APBA1: variants seen among roughly 807,000 people sequenced by gnomAD.
APBA1 encodes the protein amyloid beta precursor protein binding family A member 1, also known as amyloid-beta A4 precursor protein-binding family A member 1.
A neutral mutation model predicts 86.6 loss-of-function variants in APBA1; 55 were observed. The observed-to-expected ratio is 0.64, with a 90% confidence interval of 0.51 to 0.80. The LOEUF (loss-of-function observed/expected upper bound fraction) is 0.80, where lower values mean the gene tolerates loss of function less well. Ranked by LOEUF, APBA1 falls within the 30% of genes least tolerant of loss-of-function variation. The pLI, the probability that APBA1 is intolerant of heterozygous loss-of-function variation, is 0.00. For synonymous variants in APBA1, 511 were observed against 493.9 expected (o/e 1.03, Z -0.46); for missense variants, 1,090 against 1,183.0 (o/e 0.92, Z 1.15).
At chr9:69,447,532 G>T (rs1247101643) in intron 10 of APBA1, among the ~76,000 whole-genome samples, 1 of 152,136 alleles carries the variant, frequency 6.6e-6, no homozygotes, top group Non-Finnish European at 1.5e-5. Flanking sequence ...CTTCTCCTCC[G>T]TGACAACCCA....
chr9:69,545,192 AC>A (rs1836678615), intron 1 of APBA1, among the ~76,000 whole-genome samples: 1 of 152,254 alleles, frequency 6.6e-6, no homozygotes, highest in Non-Finnish European at 1.5e-5. Flanking sequence ...ACTTAGCCAG[AC>A]TAAACAAAAT....
At chr9:69,459,263 C>T (rs1400378920) in intron 5 of APBA1, among the ~76,000 whole-genome samples, 7 of 152,170 alleles carry the variant, frequency 4.6e-5, no homozygotes, top group Admixed American at 6.5e-5. Context: ...ATATGCATTC[C>T]GTAGTTGTTA....
rs55689437 is a variant in APBA1, at chr9:69,567,421, T to C, written c.-69-50142A>G. On this transcript the variant is annotated intron_variant, in intron 1 of 12. Coordinates refer to ENST00000265381, the MANE Select transcript of APBA1 (RefSeq NM_001163.4). ...TTCTGTGAATTTTTTTATTTTTTTA[T>C]TTATTATTATTTTGTATTATACTTT... Among the ~76,000 whole-genome samples the C allele has an allele frequency of 2.9e-3, 435 of 152,258 alleles. 2 individuals carry two copies. Among genetic ancestry groups the C allele is most frequent in the African/African-American group, 0.01 (416 of 41,556 alleles).
intron 10 of APBA1, among the ~76,000 whole-genome samples, 193 bp from the exon 11 acceptor site, chr9:69,441,308 C>T (rs981750395): frequency 6.6e-6 from 1 of 152,220 alleles, no homozygotes; most frequent in African/African-American, 2.4e-5. Flanking sequence ...GCTAAGACGC[C>T]ACATGTTGCA....
At chr9:69,564,451 G>A (rs1225452568) in intron 1 of APBA1, among the ~76,000 whole-genome samples, 2 of 152,146 alleles carry the variant, frequency 1.3e-5, no homozygotes, top group Non-Finnish European at 2.9e-5. Context: ...AAGGTAGGCT[G>A]GACATTGCTT....
intron 4 of APBA1, among the ~76,000 whole-genome samples, chr9:69,470,067 A>G (rs1835342351): frequency 6.6e-6 from 1 of 152,222 alleles, no homozygotes; most frequent in Admixed American, 6.5e-5. Context: ...TTATATTTAA[A>G]TGACTGTAGA....
chr9:69,516,881 C>A lies in APBA1; in HGVS notation c.330G>T (p.Gln110His), dbSNP rs751764564. 1.9e-6 allele frequency: 3 copies of A among 1,594,660 alleles called. No individual in the cohort carries two copies. Among genetic ancestry groups the A allele is most frequent in the Middle Eastern group, 1.6e-4 (1 of 6,062 alleles). ...CATAGGCGCTCTCGTCCTCGGGGTC[C>A]TGCGCGCGCTCCGCATCGTAGCCGT... ...ARDGYDAERA[Q>H]DPEDESAYAV... The change falls in exon 2 of 13, where the codon CAG (glutamine) becomes CAT (histidine). Residue 110 changes from glutamine (Q) to histidine (H), a missense_variant. Gln to His is a conservative substitution (Grantham distance 24, BLOSUM62 0). Transcript: ENST00000265381. This position sits in a 1 kb window ranked among gnomAD's most constrained non-coding sequence, Gnocchi z 7.3.
chr9:69,466,434 G>C (rs968948267), intron 5 of APBA1, among the ~76,000 whole-genome samples: 4 of 152,216 alleles, frequency 2.6e-5, no homozygotes, highest in African/African-American at 9.6e-5. Context: ...GCACCTCTTG[G>C]AATTGTTGGT....
chr9:69,471,599 C>T lies in APBA1; in HGVS notation c.1336+57G>A, dbSNP rs1835367454. On this transcript the variant is annotated intron_variant, in intron 4 of 12. Coordinates refer to ENST00000265381, the MANE Select transcript of APBA1 (RefSeq NM_001163.4). ...TTATATCTCAGTGCTTCATATGCCC[C>T]AATGCTAAAAGATTCATGAATGACT... 6.4e-6 allele frequency: 9 copies of T among 1,408,514 alleles called. No homozygotes were observed. In the Admixed American group the frequency reaches 1.4e-4, roughly 21 times the overall value. 87.3% of individuals were successfully genotyped at this position (1,408,514 alleles called of 1,614,324 possible). A position where few individuals can be genotyped will look rare whatever the true frequency, so the allele number is the denominator to read the frequency against.
chr9:69,582,914 T>C lies in APBA1; in HGVS notation c.-69-65635A>G, dbSNP rs118059299. On this transcript the variant is annotated intron_variant, in intron 1 of 12. Transcript: ENST00000265381. ...TGGATGAATGAATGAAACAAATGAA[T>C]GAAGAAAAATACAACCAGCTTTGTA... Among the ~76,000 whole-genome samples, 128 of 152,276 alleles carry C rather than the reference T, an allele frequency of 8.4e-4. 7 individuals carry two copies. The East Asian group carries it at 0.024, about 28-fold the overall frequency.
Position 69,516,169 on chromosome 9 carries a change from G to T in APBA1, c.1042C>A (p.Leu348Met). ...GCCTCCTTGATGTCCTTGATGGCCA[G>T]CGAGATGGCATCGCGCTTCTCCTTG... ...YSKEKRDAIS[L>M]AIKDIKEAIE... The change falls in exon 2 of 13, where the codon CTG becomes ATG. Residue 348 changes from leucine (L) to methionine (M), a missense_variant. Physicochemically the swap from Leu to Met is conservative, Grantham distance 15. This residue lies in a region of APBA1 where 678 missense variants were observed against 647.1 expected (regional missense o/e 1.05). Coordinates refer to ENST00000265381, the MANE Select transcript of APBA1 (RefSeq NM_001163.4). The surrounding 1 kb of genome is among the most constrained non-coding windows in gnomAD (Gnocchi z 7.3). The T allele has an allele frequency of 6.2e-7, 1 of 1,611,350 alleles. No individual in the cohort carries two copies.
chr9:69,469,845 T>C (rs937939988), intron 4 of APBA1, among the ~76,000 whole-genome samples: 2 of 152,252 alleles, frequency 1.3e-5, no homozygotes, highest in Admixed American at 6.5e-5. Flanking sequence ...GCCAACCAGA[T>C]ATGAAGAAGA....
intron 1 of APBA1, among the ~76,000 whole-genome samples, chr9:69,565,259 C>T (rs946133242): frequency 6.6e-6 from 1 of 152,048 alleles, no homozygotes; most frequent in Non-Finnish European, 1.5e-5. Context: ...AGCCAGGTGC[C>T]TGTCCGAGCC....
At chr9:69,581,952 C>T (rs74767033) in intron 1 of APBA1, among the ~76,000 whole-genome samples, 4 of 152,050 alleles carry the variant, frequency 2.6e-5, no homozygotes, top group Non-Finnish European at 5.9e-5. Flanking sequence ...TTGATAGAGT[C>T]CCAGATCCAA....
intron 2 of APBA1, among the ~76,000 whole-genome samples, chr9:69,482,211 G>C (rs1295952883): frequency 2.0e-5 from 3 of 151,970 alleles, no homozygotes; most frequent in Admixed American, 6.6e-5. Flanking sequence ...GAAAATTTTT[G>C]CAACCTACTC....
rs1029345811 is a variant in APBA1 at position 69,427,657 on chromosome 9, G to C, written c.*3670C>G. ...CCCCAAACTGGATGACTGTGGCCAC[G>C]GGACGGAGGAGGGAGGGAGGGAGGG... On this transcript the variant is annotated 3_prime_UTR_variant, in exon 13 of 13. Coordinates refer to ENST00000265381, the MANE Select transcript of APBA1 (RefSeq NM_001163.4). 1 of 152,126 alleles carries C rather than the reference G, an allele frequency of 6.6e-6. No individual in the cohort carries two copies. The highest frequency in any genetic ancestry group is 2.4e-5 in the African/African-American group (1 of 41,416). 9.4% of individuals were successfully genotyped at this position (152,126 alleles called of 1,614,324 possible). A position where few individuals can be genotyped will look rare whatever the true frequency, so the allele number is the denominator to read the frequency against.
At chr9:69,666,853 T>C (rs1433192171) in intron 1 of APBA1, among the ~76,000 whole-genome samples, 1 of 152,226 alleles carries the variant, frequency 6.6e-6, no homozygotes, top group Non-Finnish European at 1.5e-5. Context: ...CGATGTCCAT[T>C]GTGTAAGAAT....
intron 1 of APBA1, among the ~76,000 whole-genome samples, chr9:69,629,971 G>A (rs1467453521): frequency 2.0e-5 from 3 of 152,032 alleles, no homozygotes. Flanking sequence ...CAACATCATG[G>A]AGATCACATT....
intron 10 of APBA1, among the ~76,000 whole-genome samples, chr9:69,443,967 C>T (rs867058303): frequency 3.9e-5 from 6 of 152,114 alleles, no homozygotes; most frequent in East Asian, 1.9e-4. Context: ...AAGAGTTTTT[C>T]GGGGTTCCTG....
Sources: gnomAD v4.1 joint callset for allele counts (sites outside exome capture counted in the v4.1 genomes callset) on GRCh38, gnomAD v4.1.1 for gene constraint, gnomAD v4.1.1 regional missense constraint, Gnocchi (gnomAD v3.1) non-coding constraint, MANE v1.5 for transcripts, NCBI Gene and HGNC (gene_info 2026-07-23, HGNC 2026-07-21) for gene names.